CACNA1C: variants seen among roughly 807,000 people sequenced by gnomAD.
CACNA1C encodes calcium voltage-gated channel subunit alpha1 C, also known as voltage-dependent L-type calcium channel subunit alpha-1C.
A neutral mutation model predicts 229.0 loss-of-function variants in CACNA1C; 30 were observed. The ratio of observed to expected loss-of-function variants is 0.13; its 90% confidence interval spans 0.10 to 0.18. The LOEUF (loss-of-function observed/expected upper bound fraction) is 0.18. Ranked by LOEUF, CACNA1C falls within the 10% of genes least tolerant of loss-of-function variation. The pLI is 1.00. For missense variants in CACNA1C, 1,658 were observed against 2,845.0 expected, an observed-to-expected ratio of 0.58 and a Z score of 9.49; for synonymous variants, 1,114 against 1,132.5, an observed-to-expected ratio of 0.98 and a Z score of 0.33.
chr12:2,259,897 C>A (rs2079415512), intron 3 of CACNA1C, among the ~76,000 whole-genome samples: 1 of 152,062 alleles, frequency 6.6e-6, no homozygotes, highest in South Asian at 2.1e-4. Flanking sequence ...AACTGTACTT[C>A]TGCACTCCAG....
intron 1 of CACNA1C, among the ~76,000 whole-genome samples, chr12:2,078,337 A>G (rs978606776): frequency 6.6e-6 from 1 of 152,212 alleles, no homozygotes; most frequent in African/African-American, 2.4e-5. Flanking sequence ...CGGCTAGTCT[A>G]TGGTATTTTG....
intron 3 of CACNA1C, among the ~76,000 whole-genome samples, chr12:2,396,719 C>T (rs2098589550): frequency 6.6e-6 from 1 of 152,274 alleles, no homozygotes; most frequent in Admixed American, 6.5e-5. Context: ...TGGCCAAGAG[C>T]TCTGGCATGA....
intron 3 of CACNA1C, among the ~76,000 whole-genome samples, chr12:2,395,828 C>T (rs143823565): frequency 0.011 from 1,619 of 152,328 alleles, 25 homozygotes; most frequent in African/African-American, 0.037. Flanking sequence ...ATCTGAGCCA[C>T]ATGAGTAGTT....
intron 3 of CACNA1C, chr12:2,288,042 G>A (rs2154447097): frequency 6.6e-6 from 1 of 151,416 alleles, no homozygotes; most frequent in East Asian, 1.9e-4. Context: ...CACTGAGTTA[G>A]AGTTGAAGAC....
rs564589854 is a variant in CACNA1C, at chr12:2,649,515, C to G, written c.3945+1008C>G. Among the ~76,000 whole-genome samples the G allele has an allele frequency of 6.6e-6, 1 of 152,284 alleles. No individual in the cohort carries two copies. Among genetic ancestry groups the G allele is most frequent in the African/African-American group, 2.4e-5 (1 of 41,544 alleles). ...TCTGGGATCAGCCATCTGGATCTGC[C>G]TCCTTTTTGCATTGTTATTTGGTTT... On this transcript the variant is annotated intron_variant, in intron 31 of 46. Coordinates refer to ENST00000399655, the MANE Select transcript of CACNA1C (RefSeq NM_000719.7). The surrounding 1 kb of genome is among the most constrained non-coding windows in gnomAD (Gnocchi z 4.4).
rs1172801847 is a variant in CACNA1C, at chr12:2,585,317, A to G, written c.2340-59A>G. 106 of 1,572,852 alleles carry G rather than the reference A, an allele frequency of 6.7e-5. No homozygotes were observed. Among genetic ancestry groups the G allele is most frequent in the Non-Finnish European group, 8.9e-5 (103 of 1,158,572 alleles). Reference sequence around the variant, plus strand: ...AGGCCACAGGGCGGTTCCCTCCTACACTGTTCCCTATCACTCCAGTAAACA... The same window carrying G: ...AGGCCACAGGGCGGTTCCCTCCTACGCTGTTCCCTATCACTCCAGTAAACA... On this transcript the variant is annotated intron_variant, in intron 16 of 46. Transcript: ENST00000399655. The surrounding 1 kb of genome is among the most constrained non-coding windows in gnomAD (Gnocchi z 4.1).
chr12:2,244,540 A>G (rs1008369216), intron 3 of CACNA1C, among the ~76,000 whole-genome samples: 1 of 152,212 alleles, frequency 6.6e-6, no homozygotes, highest in African/African-American at 2.4e-5. Context: ...TGTTGTGCCC[A>G]CTACCTTTCA....
In CACNA1C at chr12:2,665,239, A is replaced by G. The variant is rs115860457; in HGVS notation, c.4398+249A>G. ...CATGGTGGCATTGTCCCAGAGGACAACGGGGACATGTGGGGGCCTAGAAAG... is the reference window on the plus strand; with the variant it reads ...CATGGTGGCATTGTCCCAGAGGACAGCGGGGACATGTGGGGGCCTAGAAAG... On this transcript the variant is annotated intron_variant, in intron 35 of 46. Coordinates refer to ENST00000399655, the MANE Select transcript of CACNA1C (RefSeq NM_000719.7). This position sits in a 1 kb window ranked among gnomAD's most constrained non-coding sequence, Gnocchi z 5.9. 0.016 allele frequency among the ~76,000 whole-genome samples: 2,444 copies of G among 152,300 alleles called. 89 individuals are homozygous for G. The highest frequency in any genetic ancestry group is 0.057 in the African/African-American group (2,352 of 41,558).
intron 3 of CACNA1C, among the ~76,000 whole-genome samples, chr12:2,125,163 G>A (rs1319240267): frequency 4.6e-5 from 7 of 152,180 alleles, no homozygotes; most frequent in East Asian, 1.9e-4. Context: ...CCTGCTGAGA[G>A]TGGAGTCTTA....
In CACNA1C at chr12:2,135,800, G is replaced by A. The variant is rs925442910; in HGVS notation, c.477+15370G>A. On this transcript the variant is annotated intron_variant, in intron 3 of 46. Coordinates refer to ENST00000399655, the MANE Select transcript of CACNA1C (RefSeq NM_000719.7). Reference sequence around the variant, plus strand: ...GCCCCCAGAGGTGGAGCCTACAGAGGCAGGCAGGCCTCCTTGAGCTGTGGT... The same window carrying A: ...GCCCCCAGAGGTGGAGCCTACAGAGACAGGCAGGCCTCCTTGAGCTGTGGT... Among the ~76,000 whole-genome samples, 2 of 146,616 alleles carry A rather than the reference G, an allele frequency of 1.4e-5. 1 individual carries two copies. Among genetic ancestry groups the A allele is most frequent in the African/African-American group, 5.3e-5 (2 of 37,390 alleles).
intron 1 of CACNA1C, among the ~76,000 whole-genome samples, chr12:2,017,861 G>T (rs1230427930): frequency 6.6e-6 from 1 of 152,098 alleles, no homozygotes; most frequent in African/African-American, 2.4e-5. Context: ...GAGCCCAGCG[G>T]GAGGCTCCCA....
intron 3 of CACNA1C, among the ~76,000 whole-genome samples, chr12:2,370,189 AAC>A (rs1414905107): frequency 3.3e-5 from 5 of 152,246 alleles, no homozygotes; most frequent in Admixed American, 1.3e-4. Flanking sequence ...TTAATAAAGT[AAC>A]ACAGATTAAA....
chr12:2,105,108 C>G (rs2077704566), intron 1 of CACNA1C, among the ~76,000 whole-genome samples: 1 of 152,178 alleles, frequency 6.6e-6, no homozygotes, highest in Non-Finnish European at 1.5e-5. Flanking sequence ...TCTTTACCTT[C>G]TTTCAGCCAG....
chr12:2,185,411 C>T (rs890125386), intron 3 of CACNA1C, among the ~76,000 whole-genome samples: 4 of 152,192 alleles, frequency 2.6e-5, no homozygotes, highest in Non-Finnish European at 4.4e-5. Context: ...GAGTTGGGTC[C>T]CCCCAAAACT....
intron 37 of CACNA1C, among the ~76,000 whole-genome samples, chr12:2,667,018 C>T (rs899135286): frequency 1.3e-5 from 2 of 152,218 alleles, no homozygotes; most frequent in Admixed American, 1.3e-4. Context: ...GTCCATCCCA[C>T]TGCACCATCC....
chr12:2,657,282 A>G (rs1489871656), intron 34 of CACNA1C, among the ~76,000 whole-genome samples: 1 of 152,240 alleles, frequency 6.6e-6, no homozygotes, highest in Non-Finnish European at 1.5e-5. Context: ...AACCTTAATG[A>G]CAATTTGGAA....
At chr12:2,010,256 A>T (rs1389821928) in intron 1 of CACNA1C, among the ~76,000 whole-genome samples, 1 of 152,238 alleles carries the variant, frequency 6.6e-6, no homozygotes, top group Admixed American at 6.5e-5. Context: ...GAGGAAGATA[A>T]AATATAGGAG....
chr12:2,439,262 C>CA (rs1299998854), intron 3 of CACNA1C, among the ~76,000 whole-genome samples: 1 of 152,194 alleles, frequency 6.6e-6, no homozygotes, highest in Non-Finnish European at 1.5e-5. Flanking sequence ...AAGAGGGTGA[C>CA]ACAGGCAGCA....
intron 1 of CACNA1C, among the ~76,000 whole-genome samples, chr12:2,076,715 G>A (rs1385959068): frequency 1.3e-5 from 2 of 152,154 alleles, no homozygotes; most frequent in African/African-American, 4.8e-5. Context: ...TTCTACACTT[G>A]TATCGGAACC....
Sources: allele counts gnomAD v4.1 joint callset (sites outside exome capture counted in the v4.1 genomes callset), GRCh38; gene constraint gnomAD v4.1.1; non-coding constraint Gnocchi (gnomAD v3.1); transcripts MANE v1.5; gene names NCBI Gene and HGNC (gene_info 2026-07-23, HGNC 2026-07-21).